Variants in SMARCA4 observed in about 807,000 individuals in gnomAD.
SMARCA4 encodes SWI/SNF related BAF chromatin remodeling complex subunit ATPase 4.
In SMARCA4, 31 loss-of-function variants were observed where a neutral mutation model predicts 193.9. The observed-to-expected ratio is 0.16, with a 90% CI of 0.12 to 0.22. The LOEUF is 0.22. Among genes scored for constraint, SMARCA4 ranks in the 10% least tolerant of loss-of-function variants. SMARCA4 has a pLI of 1.00. For missense variants in SMARCA4, 1,148 were observed against 2,296.0 expected (o/e 0.50, Z 10.22); for synonymous variants, 942 against 933.1 (o/e 1.01, Z -0.17).
intron 1 of SMARCA4, among the ~76,000 whole-genome samples, chr19:10,978,017 G>A (rs1050751063): frequency 6.6e-6 from 1 of 152,230 alleles, no homozygotes; most frequent in Non-Finnish European, 1.5e-5. Context: ...CAGGACCACT[G>A]TAGTCCCTGT....
At chr19:11,016,817 G>A (rs890773353) in intron 16 of SMARCA4, among the ~76,000 whole-genome samples, 1 of 152,036 alleles carries the variant, frequency 6.6e-6, no homozygotes, top group Non-Finnish European at 1.5e-5. Context: ...CCCCAGCATC[G>A]GGTGAATTTT....
intron 19 of SMARCA4, among the ~76,000 whole-genome samples, chr19:11,023,086 G>A (rs1034236674): frequency 5.3e-5 from 8 of 152,180 alleles, no homozygotes; most frequent in East Asian, 1.9e-4. Flanking sequence ...TGGGGCTCCC[G>A]GTGGCAGAGC....
At chr19:11,038,139 G>A (rs1056215950) in intron 29 of SMARCA4, among the ~76,000 whole-genome samples, 2 of 152,130 alleles carry the variant, frequency 1.3e-5, no homozygotes, top group Non-Finnish European at 2.9e-5. Context: ...CTGAACCCAC[G>A]GTGTGGGCAG....
At position 11,030,306 on chromosome 19, in the gene SMARCA4, G is replaced by T. The variant is rs573361551; in HGVS notation, c.3383-424G>T. On this transcript the variant is annotated intron_variant, in intron 24 of 34. Coordinates refer to ENST00000344626, the MANE Select transcript of SMARCA4 (RefSeq NM_003072.5). This position sits in a 1 kb window ranked among gnomAD's most constrained non-coding sequence, Gnocchi z 5.5. ...CTGTCCACCCACCCCCAGGTCCCTT[G>T]TGTTGCGAGCGGCGGTGTTGCCGGC... 6.6e-6 allele frequency among the ~76,000 whole-genome samples: 1 copy of T among 152,376 alleles called. No individual in the cohort carries two copies. The highest frequency in any genetic ancestry group is 1.5e-5 in the Non-Finnish European group (1 of 68,044).
chr19:11,024,011 A>G (rs181082960), intron 20 of SMARCA4, among the ~76,000 whole-genome samples: 434 of 152,314 alleles, frequency 2.8e-3, no homozygotes, highest in African/African-American at 9.7e-3. Flanking sequence ...TCCCACAGCA[A>G]GACCCATGGA....
At chr19:10,975,628 T>C (rs2145598924) in intron 1 of SMARCA4, among the ~76,000 whole-genome samples, 1 of 152,276 alleles carries the variant, frequency 6.6e-6, no homozygotes, top group East Asian at 1.9e-4. Flanking sequence ...TTTTTTGATG[T>C]GCCAAGACTT....
intron 11 of SMARCA4, among the ~76,000 whole-genome samples, chr19:11,002,598 A>G (rs2087744562): frequency 6.6e-6 from 1 of 152,186 alleles, no homozygotes; most frequent in Non-Finnish European, 1.5e-5. Context: ...GAAGTTTGAG[A>G]CCAGCCCGGC....
At chr19:11,057,146 C>T (rs115752612) in intron 30 of SMARCA4, among the ~76,000 whole-genome samples, 192 of 152,364 alleles carry the variant, frequency 1.3e-3, no homozygotes, top group African/African-American at 4.4e-3. Context: ...GGGGCCGTTC[C>T]CTGGCTAGGC....
At chr19:11,010,278 CATTCAGCA>C in intron 14 of SMARCA4, 95 bp from the exon 15 acceptor site, 1 of 1,284,272 alleles carries the variant, frequency 7.8e-7, no homozygotes, top group Non-Finnish European at 1.1e-6. Flanking sequence ...GGCCACAGGT[CATTCAGCA>C]GAAAGGGCCA....
intron 30 of SMARCA4, among the ~76,000 whole-genome samples, chr19:11,056,856 C>T (rs1600615211): frequency 1.3e-5 from 2 of 152,346 alleles, no homozygotes; most frequent in East Asian, 3.9e-4. Context: ...ATCAGGACCC[C>T]AGCAACAGAA....
Position 11,033,697 on chromosome 19 carries a change from T to C in SMARCA4, c.3775-70T>C. 1.3e-6 allele frequency: 1 copy of C among 779,234 alleles called. No individual in the cohort carries two copies. The highest frequency in any genetic ancestry group is 2.4e-6 in the Non-Finnish European group (1 of 420,082). 48.3% of individuals were successfully genotyped at this position (779,234 alleles called of 1,614,324 possible). A position where few individuals can be genotyped will look rare whatever the true frequency, so the allele number is the denominator to read the frequency against. ...TTGCTTTTTCTTTGAAGTGGTTTTT[T>C]TTTCTAAACTGCTGGTGAAAGACGC... is the stretch of plus-strand genomic sequence containing the variant. On this transcript the variant is annotated intron_variant, in intron 26 of 34. Coordinates refer to ENST00000344626, the MANE Select transcript of SMARCA4 (RefSeq NM_003072.5). This position sits in a 1 kb window ranked among gnomAD's most constrained non-coding sequence, Gnocchi z 9.8.
intron 13 of SMARCA4, among the ~76,000 whole-genome samples, chr19:11,003,767 A>G (rs2087890899): frequency 6.9e-6 from 1 of 145,650 alleles, no homozygotes; most frequent in Non-Finnish European, 1.5e-5. Context: ...GCTGGAGTGC[A>G]CTGGTGCAAT....
At position 11,031,255 on chromosome 19, in the gene SMARCA4, G is replaced by C. The variant is rs1162034591; in HGVS notation, c.3546+362G>C. 1.7e-5 allele frequency: 6 copies of C among 347,964 alleles called. No homozygotes were observed. Among genetic ancestry groups the C allele is most frequent in the Non-Finnish European group, 3.3e-5 (6 of 180,018 alleles). The allele number at this position is 347,964 out of a possible 1,614,324, so 21.6% of individuals were successfully genotyped here. On this transcript the variant is annotated intron_variant, in intron 25 of 34. Transcript: ENST00000344626. This position sits in a 1 kb window ranked among gnomAD's most constrained non-coding sequence, Gnocchi z 4.3. ...GTGTGCCCTGTGAGCACACACACTG[G>C]CGCTTGTTCAGACACAATTGGGGGT...
chr19:11,024,324 C>T lies in SMARCA4; in HGVS notation c.2974-7C>T, dbSNP rs1426053406. ...GGGCCCTCGTGAGCATTATGTGTCCCCTGCAGGTGGAGTACGTCATCAAGT... is the reference window on the plus strand; with the variant it reads ...GGGCCCTCGTGAGCATTATGTGTCCTCTGCAGGTGGAGTACGTCATCAAGT... On this transcript the variant is annotated splice_region_variant and splice_polypyrimidine_tract_variant and intron_variant, in intron 20 of 34. Transcript: ENST00000344626. 6.2e-7 allele frequency: 1 copy of T among 1,601,716 alleles called. No individual in the cohort carries two copies.
intron 34 of SMARCA4, among the ~76,000 whole-genome samples, chr19:11,061,551 AT>A (rs554173125): frequency 2.2e-4 from 34 of 151,928 alleles, no homozygotes; most frequent in South Asian, 1.5e-3. Flanking sequence ...AATTTTTTGT[AT>A]TTTTTAGTAG....
rs556257436 is a variant in SMARCA4 at position 10,987,478 on chromosome 19, G to A, written c.860-188G>A. 7.9e-5 allele frequency among the ~76,000 whole-genome samples: 12 copies of A among 152,314 alleles called. No homozygotes were observed. Among genetic ancestry groups the A allele is most frequent in the Non-Finnish European group, 1.5e-5 (1 of 68,022 alleles). ...CCCCAGTGGAGGGTGTGAAGGACGAGGGTGAGGCTGAGATCTGGAGGAGGT... is the reference window on the plus strand; with the variant it reads ...CCCCAGTGGAGGGTGTGAAGGACGAAGGTGAGGCTGAGATCTGGAGGAGGT... On this transcript the variant is annotated intron_variant, in intron 5 of 34. Transcript: ENST00000344626. The surrounding 1 kb of genome is among the most constrained non-coding windows in gnomAD (Gnocchi z 5.3).
intron 8 of SMARCA4, 52 bp from the exon 9 acceptor site, chr19:10,994,776 G>T (rs2145934293): frequency 6.6e-7 from 1 of 1,520,388 alleles, no homozygotes; most frequent in Non-Finnish European, 9.1e-7. Context: ...GCGGGGAGAT[G>T]TGTCCACCAT....
At chr19:10,991,979 T>G (rs1482522139) in intron 8 of SMARCA4, among the ~76,000 whole-genome samples, 2 of 152,220 alleles carry the variant, frequency 1.3e-5, no homozygotes, top group Non-Finnish European at 2.9e-5. Context: ...TCTTCAAATC[T>G]AAAATCAAGT....
In SMARCA4 at chr19:10,988,584, G is replaced by T. The variant is rs151179545; in HGVS notation, c.1118+660G>T. On this transcript the variant is annotated intron_variant, in intron 6 of 34. Transcript: ENST00000344626. ...TATTTAACAAGTTAGACTTGTTCCT[G>T]CCCCAGGACCTTTGCACAGGCTGTG... 2.4e-3 allele frequency among the ~76,000 whole-genome samples: 367 copies of T among 152,230 alleles called. 1 individual carries two copies. Among genetic ancestry groups the T allele is most frequent in the African/African-American group, 8.4e-3 (348 of 41,530 alleles).
Sources: allele counts gnomAD v4.1 joint callset (sites outside exome capture counted in the v4.1 genomes callset), GRCh38; gene constraint gnomAD v4.1.1; non-coding constraint Gnocchi (gnomAD v3.1); transcripts MANE v1.5; gene names NCBI Gene and HGNC (gene_info 2026-07-23, HGNC 2026-07-21).